SUMO3: variants seen among roughly 807,000 people sequenced by gnomAD.
SUMO3 encodes the protein small ubiquitin like modifier 3.
Under a neutral mutation model 11.1 loss-of-function variants are expected in SUMO3, and 2 were observed. The observed-to-expected ratio is 0.18, with a 90% confidence interval of 0.07 to 0.57. The LOEUF is 0.57. Ranked by LOEUF, SUMO3 falls within the 20% of genes least tolerant of loss-of-function variation. The pLI is 0.92. For synonymous variants in SUMO3, 56 were observed against 53.5 expected, an observed-to-expected ratio of 1.05 and a Z score of -0.20; for missense variants, 70 against 132.8, an observed-to-expected ratio of 0.53 and a Z score of 2.32.
intron 2 of SUMO3, 67 bp downstream of exon 2, chr21:44,813,909 G>A (rs1218270505): frequency 1.9e-6 from 3 of 1,600,246 alleles, no homozygotes; most frequent in Non-Finnish European, 1.7e-6. Context: ...CGTGCTCTGG[G>A]GATGCCTGGA....
chr21:44,808,981 C>T (rs2083194474), intron 3 of SUMO3, 66 bp downstream of exon 3: 2 of 1,352,758 alleles, frequency 1.5e-6, no homozygotes, highest in African/African-American at 1.4e-5. Context: ...ATAAGCGTAT[C>T]CCAAATGGCA....
rs768477988 is a variant in SUMO3 at position 44,806,882 on chromosome 21, C to T, written c.*69G>A. ...GAGTTTCCGCAGACACCTTTGTGGT[C>T]GGCATGGTCACGTGCTCACCATTCA... On this transcript the variant is annotated 3_prime_UTR_variant, in exon 4 of 4. Transcript: ENST00000332859. The T allele has an allele frequency of 3.8e-6, 6 of 1,592,156 alleles. No individual in the cohort carries two copies. Among genetic ancestry groups the T allele is most frequent in the Middle Eastern group, 1.7e-4 (1 of 6,008 alleles).
intron 1 of SUMO3, among the ~76,000 whole-genome samples, chr21:44,817,646 G>T (rs953715382): frequency 2.6e-5 from 4 of 151,448 alleles, no homozygotes; most frequent in African/African-American, 9.7e-5. Flanking sequence ...CAGCAGCGCG[G>T]GGCCCGACAC....
rs1203841600 is a variant in SUMO3 at position 44,811,380 on chromosome 21, C to A, written c.151-2262G>T. On this transcript the variant is annotated intron_variant, in intron 2 of 3. Transcript: ENST00000332859. The surrounding 1 kb of genome is among the most constrained non-coding windows in gnomAD (Gnocchi z 5.0). Reference sequence around the variant, plus strand: ...CTTAAGCCCAGGAATTCCAGACCAGCCTGGACCACATAAGGAGACCCCATC... The same window carrying A: ...CTTAAGCCCAGGAATTCCAGACCAGACTGGACCACATAAGGAGACCCCATC... Among the ~76,000 whole-genome samples the A allele has an allele frequency of 6.6e-6, 1 of 152,076 alleles. No homozygotes were observed. The highest frequency in any genetic ancestry group is 1.5e-5 in the Non-Finnish European group (1 of 68,008).
At position 44,806,786 on chromosome 21, in the gene SUMO3, C is replaced by G; in HGVS notation, c.*165G>C. On this transcript the variant is annotated 3_prime_UTR_variant, in exon 4 of 4. Transcript: ENST00000332859. Reference sequence around the variant, plus strand: ...GCCCAATTTAAGTTACAGATTCATCCCTGCAGATATAGTTTTGAGTTGCAC... The same window carrying G: ...GCCCAATTTAAGTTACAGATTCATCGCTGCAGATATAGTTTTGAGTTGCAC... 7.1e-7 allele frequency: 1 copy of G among 1,412,992 alleles called. No homozygotes were observed. The highest frequency in any genetic ancestry group is 1.5e-5 in the South Asian group (1 of 64,788). The allele number at this position is 1,412,992 out of a possible 1,614,324, so 87.5% of individuals were successfully genotyped here.
At chr21:44,808,106 G>C (rs1197164231) in intron 3 of SUMO3, among the ~76,000 whole-genome samples, 1 of 152,178 alleles carries the variant, frequency 6.6e-6, no homozygotes, top group Non-Finnish European at 1.5e-5. Context: ...AGCAGGTATT[G>C]GTTCCATTTA....
intron 1 of SUMO3, among the ~76,000 whole-genome samples, chr21:44,817,530 G>C (rs1193477882): frequency 1.3e-5 from 2 of 152,022 alleles, no homozygotes; most frequent in Non-Finnish European, 2.9e-5. Context: ...GGGCGATGCC[G>C]GGGGAGAGGG....
At chr21:44,813,198 C>G (rs1424908124) in intron 2 of SUMO3, among the ~76,000 whole-genome samples, 4 of 152,174 alleles carry the variant, frequency 2.6e-5, no homozygotes, top group African/African-American at 9.6e-5. Flanking sequence ...ATTTTCAAAG[C>G]GGCTGAAGAA....
In SUMO3 at chr21:44,817,976, C is replaced by G; in HGVS notation, c.-8G>C. On this transcript the variant is annotated 5_prime_UTR_variant, in exon 1 of 4. Coordinates refer to ENST00000332859, the MANE Select transcript of SUMO3 (RefSeq NM_006936.3). ...GGGCTTCTCCTCGGACATGGCTGCG[C>G]GAGCGGCGCGGGGAGGCGGCGCGGG... is the stretch of plus-strand genomic sequence containing the variant. 1 of 1,178,904 alleles carries G rather than the reference C, an allele frequency of 8.5e-7. No individual in the cohort carries two copies. The highest frequency in any genetic ancestry group is 1.6e-5 in the African/African-American group (1 of 61,186). 73.0% of individuals were successfully genotyped at this position (1,178,904 alleles called of 1,614,324 possible).
intron 2 of SUMO3, chr21:44,813,642 A>C: frequency 1.5e-6 from 1 of 651,176 alleles, no homozygotes; most frequent in South Asian, 2.0e-5. Context: ...GCCAGACCTG[A>C]GCAGGGCCCC....
intron 3 of SUMO3, 75 bp downstream of exon 3, chr21:44,808,972 T>A: frequency 1.6e-6 from 2 of 1,234,652 alleles, no homozygotes; most frequent in Non-Finnish European, 2.4e-6. Context: ...AATTCTCAAA[T>A]AAGCGTATCC....
intron 2 of SUMO3, among the ~76,000 whole-genome samples, chr21:44,812,492 G>A (rs1454517303): frequency 6.6e-6 from 1 of 152,158 alleles, no homozygotes; most frequent in Admixed American, 6.5e-5. Context: ...AAGTGTGAAG[G>A]TTTATAAAAG....
chr21:44,811,039 T>TAC lies in SUMO3; in HGVS notation c.151-1923_151-1922dup, dbSNP rs1347380790. ...ATATGCACACACGCACACACCCACA[T>TAC]ACACACACGCACACACCCACACATA... On this transcript the variant is annotated intron_variant, in intron 2 of 3. Coordinates refer to ENST00000332859, the MANE Select transcript of SUMO3 (RefSeq NM_006936.3). This position sits in a 1 kb window ranked among gnomAD's most constrained non-coding sequence, Gnocchi z 5.0. 1.3e-5 allele frequency among the ~76,000 whole-genome samples: 1 copy of TAC among 76,790 alleles called. No homozygotes were observed. The highest frequency in any genetic ancestry group is 4.8e-5 in the African/African-American group (1 of 20,736). The allele number at this position is 76,790 out of a possible 152,430, so 50.4% of individuals were successfully genotyped here.
chr21:44,814,645 G>A (rs894983688), intron 1 of SUMO3, among the ~76,000 whole-genome samples: 1 of 152,200 alleles, frequency 6.6e-6, no homozygotes, highest in Non-Finnish European at 1.5e-5. Context: ...GTGACTCAGA[G>A]GAACCCTATG....
At chr21:44,812,602 G>T (rs1443771421) in intron 2 of SUMO3, among the ~76,000 whole-genome samples, 1 of 152,178 alleles carries the variant, frequency 6.6e-6, no homozygotes, top group Non-Finnish European at 1.5e-5. Flanking sequence ...AAACACAAAA[G>T]GGAGGAGGAC....
intron 2 of SUMO3, chr21:44,813,689 G>A: frequency 1.2e-6 from 1 of 849,966 alleles, no homozygotes; most frequent in Non-Finnish European, 1.8e-6. Flanking sequence ...ACAGATGTTA[G>A]TACCCCATGG....
chr21:44,805,847 G>A lies in SUMO3; in HGVS notation c.*1104C>T, dbSNP rs1034927141. The A allele has an allele frequency of 6.6e-6, 1 of 152,602 alleles. No homozygotes were observed. The highest frequency in any genetic ancestry group is 1.5e-5 in the Non-Finnish European group (1 of 68,044). 9.5% of individuals were successfully genotyped at this position (152,602 alleles called of 1,614,324 possible). A position where few individuals can be genotyped will look rare whatever the true frequency, so the allele number is the denominator to read the frequency against. On this transcript the variant is annotated 3_prime_UTR_variant, in exon 4 of 4. Transcript: ENST00000332859. ...CACCAAGCAGCAATGGAGCCTCAGGGAAGGACAATAGGCAGAACTATGAAA... is the reference window on the plus strand; with the variant it reads ...CACCAAGCAGCAATGGAGCCTCAGGAAAGGACAATAGGCAGAACTATGAAA...
chr21:44,814,772 G>C (rs2083234057), intron 1 of SUMO3, among the ~76,000 whole-genome samples: 1 of 152,182 alleles, frequency 6.6e-6, no homozygotes, highest in Admixed American at 6.5e-5. Context: ...CCACCTCCGA[G>C]TACTTTCTGG....
Position 44,811,827 on chromosome 21 carries a change from A to G in SUMO3, c.150+2149T>C, listed in dbSNP as rs2083213955. Among the ~76,000 whole-genome samples, 1 of 152,140 alleles carries G rather than the reference A, an allele frequency of 6.6e-6. No individual in the cohort carries two copies. Among genetic ancestry groups the G allele is most frequent in the African/African-American group, 2.4e-5 (1 of 41,440 alleles). On this transcript the variant is annotated intron_variant, in intron 2 of 3. Transcript: ENST00000332859. This position sits in a 1 kb window ranked among gnomAD's most constrained non-coding sequence, Gnocchi z 5.0. ...CAGGAACTCCAAAAAGAGGGAACAG[A>G]GTCTGGAGAAGGATACAAATTATCA...
Sources: gnomAD v4.1 joint callset for allele counts (sites outside exome capture counted in the v4.1 genomes callset) on GRCh38, gnomAD v4.1.1 for gene constraint, Gnocchi (gnomAD v3.1) non-coding constraint, MANE v1.5 for transcripts, NCBI Gene and HGNC (gene_info 2026-07-23, HGNC 2026-07-21) for gene names.